Variants in IGSF21 observed in about 807,000 individuals in gnomAD.
The protein encoded by IGSF21 is immunoglobin superfamily member 21, also known as immunoglobulin superfamily member 21.
IGSF21 carries 28 observed loss-of-function variants against 46.8 expected under a neutral mutation model. The ratio of observed to expected loss-of-function variants is 0.60; its 90% CI spans 0.44 to 0.82. IGSF21 has a LOEUF of 0.82. Among genes scored for constraint, IGSF21 ranks in the 40% least tolerant of loss-of-function variants. The probability of loss-of-function intolerance (pLI) is 0.00; values close to 1 mark genes in which losing one functional copy is unlikely to be tolerated. For synonymous variants in IGSF21, 284 were observed against 273.6 expected (o/e 1.04, Z -0.38); for missense variants, 624 against 665.5 (o/e 0.94, Z 0.69).
intron 1 of IGSF21, among the ~76,000 whole-genome samples, chr1:18,198,718 C>T (rs1438914518): frequency 6.6e-6 from 1 of 152,104 alleles, no homozygotes; most frequent in African/African-American, 2.4e-5. Flanking sequence ...GCAGCAGTTC[C>T]ACACTGGGCC....
At chr1:18,252,345 G>A (rs1027640505) in intron 2 of IGSF21, among the ~76,000 whole-genome samples, 12 of 151,898 alleles carry the variant, frequency 7.9e-5, no homozygotes, top group Admixed American at 2.0e-4. Flanking sequence ...CACTGCACCC[G>A]GCCTGACCAA....
intron 2 of IGSF21, among the ~76,000 whole-genome samples, chr1:18,266,635 A>T (rs114035365): frequency 0.012 from 1,847 of 152,352 alleles, 16 homozygotes; most frequent in Non-Finnish European, 0.02. Context: ...AGGCCTCCAG[A>T]GGCCATGCAC....
chr1:18,200,850 T>G (rs2087065831), intron 1 of IGSF21, among the ~76,000 whole-genome samples: 3 of 152,166 alleles, frequency 2.0e-5, no homozygotes, highest in Admixed American at 1.3e-4. Flanking sequence ...GCTTTGAGTT[T>G]CACGTGATTT....
chr1:18,232,656 C>G (rs1381614772), intron 2 of IGSF21, among the ~76,000 whole-genome samples: 1 of 152,194 alleles, frequency 6.6e-6, no homozygotes, highest in African/African-American at 2.4e-5. Flanking sequence ...TACACTAGTG[C>G]TTACCTCATC....
chr1:18,269,580 AGCT>A (rs2085023503), intron 2 of IGSF21, among the ~76,000 whole-genome samples: 1 of 152,126 alleles, frequency 6.6e-6, no homozygotes, highest in African/African-American at 2.4e-5. Flanking sequence ...TGTGTCTGGG[AGCT>A]CCATAAGAGT....
chr1:18,221,442 G>T (rs2124500470), intron 1 of IGSF21, among the ~76,000 whole-genome samples: 1 of 152,272 alleles, frequency 6.6e-6, no homozygotes, highest in South Asian at 2.1e-4. Context: ...CTGGGGCCAG[G>T]CCTGAGCCAG....
intron 2 of IGSF21, among the ~76,000 whole-genome samples, chr1:18,274,491 C>G (rs1473299608): frequency 6.6e-6 from 1 of 152,206 alleles, no homozygotes; most frequent in African/African-American, 2.4e-5. Context: ...GCCCATTGGC[C>G]AAATCTGGCC....
At position 18,293,734 on chromosome 1, in the gene IGSF21, G is replaced by A. The variant is rs139812274; in HGVS notation, c.305+1747G>A. On this transcript the variant is annotated intron_variant, in intron 3 of 9. Coordinates refer to ENST00000251296, the MANE Select transcript of IGSF21 (RefSeq NM_032880.5). ...AAGTGAACTCCCAAATAATCTCCAC[G>A]ACTCCCAGAAGCCTAATGCCACCCA... is the stretch of plus-strand genomic sequence containing the variant. Among the ~76,000 whole-genome samples the A allele has an allele frequency of 3.9e-3, 596 of 152,222 alleles. 1 individual carries two copies. The highest frequency in any genetic ancestry group is 0.013 in the African/African-American group (557 of 41,538).
At chr1:18,219,529 G>A (rs1052659960) in intron 1 of IGSF21, among the ~76,000 whole-genome samples, 1 of 150,316 alleles carries the variant, frequency 6.7e-6, no homozygotes, top group East Asian at 1.9e-4. Flanking sequence ...TGGTGGCCAG[G>A]TGCAGAGAGA....
rs2124608369 is a variant in IGSF21, at chr1:18,337,186, A to G, written c.424+2176A>G. On this transcript the variant is annotated intron_variant, in intron 4 of 9. Coordinates refer to ENST00000251296, the MANE Select transcript of IGSF21 (RefSeq NM_032880.5). The surrounding 1 kb of genome is among the most constrained non-coding windows in gnomAD (Gnocchi z 5.7). The stretch of plus-strand genomic sequence containing the variant: ...CTTACTCCATCCACTAGGTGAGGAA[A>G]CTGAGGCACAGAGTGATCTCGTGGG... Among the ~76,000 whole-genome samples, 1 of 152,240 alleles carries G rather than the reference A, an allele frequency of 6.6e-6. No homozygotes were observed. The highest frequency in any genetic ancestry group is 2.1e-4 in the South Asian group (1 of 4,814).
At chr1:18,198,150 G>C (rs1164278562) in intron 1 of IGSF21, among the ~76,000 whole-genome samples, 1 of 152,198 alleles carries the variant, frequency 6.6e-6, no homozygotes, top group East Asian at 1.9e-4. Context: ...TTATAAAGAT[G>C]ATGTACACAG....
intron 1 of IGSF21, among the ~76,000 whole-genome samples, chr1:18,119,964 G>A (rs2086219937): frequency 6.6e-6 from 1 of 152,200 alleles, no homozygotes; most frequent in Non-Finnish European, 1.5e-5. Context: ...TGAAGGTGGT[G>A]GATGTGAATG....
At chr1:18,184,467 C>T (rs2086885428) in intron 1 of IGSF21, among the ~76,000 whole-genome samples, 1 of 152,172 alleles carries the variant, frequency 6.6e-6, no homozygotes, top group South Asian at 2.1e-4. Context: ...AAATTAATCC[C>T]TCTGAACCTT....
intron 1 of IGSF21, among the ~76,000 whole-genome samples, chr1:18,135,980 T>G (rs1240651250): frequency 6.6e-6 from 1 of 152,242 alleles, no homozygotes; most frequent in East Asian, 1.9e-4. Context: ...GGTATCTCAT[T>G]GTGGTTTTGA....
chr1:18,147,991 C>T (rs2086485879), intron 1 of IGSF21, among the ~76,000 whole-genome samples: 1 of 152,130 alleles, frequency 6.6e-6, no homozygotes. Context: ...CAGAAGTTTT[C>T]TCTTGCCTGC....
chr1:18,171,320 G>A (rs1422798918), intron 1 of IGSF21, among the ~76,000 whole-genome samples: 2 of 152,152 alleles, frequency 1.3e-5, no homozygotes, highest in Admixed American at 1.3e-4. Context: ...GAGGGCTGGG[G>A]TCAGAGGGCT....
intron 1 of IGSF21, among the ~76,000 whole-genome samples, chr1:18,146,893 G>C (rs1190315159): frequency 2.6e-5 from 4 of 152,320 alleles, no homozygotes; most frequent in South Asian, 4.1e-4. Flanking sequence ...TCACACAGCT[G>C]GTTAATGGTA....
In IGSF21 at chr1:18,188,610, G is replaced by A. The variant is rs770412555; in HGVS notation, c.71-39288G>A. On this transcript the variant is annotated intron_variant, in intron 1 of 9. Coordinates refer to ENST00000251296, the MANE Select transcript of IGSF21 (RefSeq NM_032880.5). ...GGAAGGGATGGGGACAGACCTGGGCGTGTAGACTCCTTCACTGGGTAACCT... is the reference window on the plus strand; with the variant it reads ...GGAAGGGATGGGGACAGACCTGGGCATGTAGACTCCTTCACTGGGTAACCT... Among the ~76,000 whole-genome samples, 13 of 152,330 alleles carry A rather than the reference G, an allele frequency of 8.5e-5. No individual in the cohort carries two copies. The South Asian group carries it at 1.0e-3, about 12-fold the overall frequency.
chr1:18,326,313 G>A (rs780653250), intron 3 of IGSF21, among the ~76,000 whole-genome samples: 28 of 152,198 alleles, frequency 1.8e-4, no homozygotes, highest in Non-Finnish European at 3.5e-4. Context: ...CATGGCAGGC[G>A]CAGAAACAGT....
Sources: gnomAD v4.1 joint callset for allele counts (sites outside exome capture counted in the v4.1 genomes callset) on GRCh38, gnomAD v4.1.1 for gene constraint, Gnocchi (gnomAD v3.1) non-coding constraint, MANE v1.5 for transcripts, NCBI Gene and HGNC (gene_info 2026-07-23, HGNC 2026-07-21) for gene names.